Variants in MARCHF2 observed in about 807,000 individuals in gnomAD.
MARCHF2 encodes the protein membrane associated ring-CH-type finger 2.
In MARCHF2, 22 loss-of-function variants were observed where a neutral mutation model predicts 24.0. The ratio of observed to expected loss-of-function variants is 0.92; its 90% CI spans 0.66 to 1.31. The LOEUF is 1.31. MARCHF2 is among the 50% of genes most tolerant of loss of function. The pLI is 0.00. For missense variants in MARCHF2, 301 were observed against 335.3 expected (o/e 0.90, Z 0.80); for synonymous variants, 154 against 153.0 (o/e 1.01, Z -0.05).
At chr19:8,426,880 C>T (rs1398395566) in intron 3 of MARCHF2, 76 bp downstream of exon 3, 56 of 1,375,896 alleles carry the variant, frequency 4.1e-5, no homozygotes, top group South Asian at 6.4e-5. Flanking sequence ...GGAGCTGCCC[C>T]GGGCAATCTG....
At chr19:8,421,448 T>C (rs62117527) in intron 1 of MARCHF2, among the ~76,000 whole-genome samples, 107,514 of 143,064 alleles carry the variant, frequency 0.75, 40,861 homozygotes, top group African/African-American at 0.81. Flanking sequence ...AGGATGGTCT[T>C]GATCTCTTGA....
In MARCHF2 at chr19:8,421,804, G is replaced by T. The variant is rs766977571; in HGVS notation, c.-37G>T. 6.4e-7 allele frequency: 1 copy of T among 1,552,844 alleles called. No homozygotes were observed. The highest frequency in any genetic ancestry group is 2.3e-5 in the East Asian group (1 of 44,128). ...CTGTTCCCAGGCTCCTGGAACCATG[G>T]GCCTCAGGCCCTGAGGATACGGGGC... On this transcript the variant is annotated 5_prime_UTR_variant, in exon 2 of 5. Coordinates refer to ENST00000215555, the MANE Select transcript of MARCHF2 (RefSeq NM_001005415.2).
chr19:8,435,525 A>G (rs1312288459), intron 4 of MARCHF2, among the ~76,000 whole-genome samples: 1 of 151,936 alleles, frequency 6.6e-6, no homozygotes, highest in African/African-American at 2.4e-5. Context: ...CATAGTTCAC[A>G]TTAGGATTCA....
At chr19:8,434,745 C>T (rs1967668992) in intron 4 of MARCHF2, among the ~76,000 whole-genome samples, 1 of 152,056 alleles carries the variant, frequency 6.6e-6, no homozygotes, top group South Asian at 2.1e-4. Context: ...CTCACTGTGT[C>T]GCCCAGGCCA....
intron 2 of MARCHF2, among the ~76,000 whole-genome samples, chr19:8,423,082 C>T (rs1967297478): frequency 6.8e-6 from 1 of 146,972 alleles, no homozygotes; most frequent in Non-Finnish European, 1.5e-5. Flanking sequence ...GTTTTGGAGA[C>T]AGAGTCTCAC....
intron 3 of MARCHF2, among the ~76,000 whole-genome samples, chr19:8,428,683 A>AC: frequency 3.2e-5 from 4 of 123,320 alleles, no homozygotes; most frequent in Non-Finnish European, 5.1e-5. Context: ...AAAAAAAAAA[A>AC]CCAAGGCTGG....
At chr19:8,415,736 A>AC (rs1568233647) in intron 1 of MARCHF2, among the ~76,000 whole-genome samples, 2 of 71,332 alleles carry the variant, frequency 2.8e-5, no homozygotes, top group African/African-American at 1.1e-4. Context: ...AAAAAAAAAC[A>AC]AAAAAAACAA....
chr19:8,436,989 ATTT>A (rs34972879), intron 4 of MARCHF2, among the ~76,000 whole-genome samples: 12 of 134,602 alleles, frequency 8.9e-5, no homozygotes, highest in East Asian at 2.2e-4. Flanking sequence ...TGCGCCCAGC[ATTT>A]TTTTTTTTTT....
At chr19:8,417,970 G>A (rs182368143) in intron 1 of MARCHF2, among the ~76,000 whole-genome samples, 34 of 148,764 alleles carry the variant, frequency 2.3e-4, no homozygotes, top group South Asian at 4.3e-4. Context: ...TCTCCATGTG[G>A]TCAGGCTCGT....
At chr19:8,435,309 CACTA>C (rs1466558462) in intron 4 of MARCHF2, among the ~76,000 whole-genome samples, 1 of 151,846 alleles carries the variant, frequency 6.6e-6, no homozygotes, top group Non-Finnish European at 1.5e-5. Context: ...TGAGCCACCA[CACTA>C]GGCCATTTTT....
intron 1 of MARCHF2, among the ~76,000 whole-genome samples, chr19:8,421,283 T>A (rs911604068): frequency 1.3e-5 from 2 of 151,580 alleles, no homozygotes. Flanking sequence ...CCACCAAGCC[T>A]GGCTAATTTT....
chr19:8,436,793 C>G (rs962833536), intron 4 of MARCHF2, among the ~76,000 whole-genome samples: 7 of 148,278 alleles, frequency 4.7e-5, no homozygotes, highest in African/African-American at 1.5e-4. Flanking sequence ...CAGGTTCAAG[C>G]GATTCTCTTG....
intron 3 of MARCHF2, 35 bp downstream of exon 3, chr19:8,426,839 G>T (rs368003230): frequency 6.3e-7 from 1 of 1,592,362 alleles, no homozygotes; most frequent in Non-Finnish European, 8.6e-7. Flanking sequence ...GGTGGGCAGT[G>T]GGGAGAGGGC....
In MARCHF2 at chr19:8,422,466, C is replaced by T. The variant is rs142739284; in HGVS notation, c.176+450C>T. On this transcript the variant is annotated intron_variant, in intron 2 of 4. Coordinates refer to ENST00000215555, the MANE Select transcript of MARCHF2 (RefSeq NM_001005415.2). ...GGAGTGCAGTGGCGCAGTCTCAGCT[C>T]ACTGAAACCTCCGCCTCCCAGGTTC... 6.9e-3 allele frequency among the ~76,000 whole-genome samples: 1,045 copies of T among 152,024 alleles called. 51 individuals carry two copies. The highest frequency in any genetic ancestry group is 0.056 in the East Asian group (287 of 5,148).
intron 1 of MARCHF2, among the ~76,000 whole-genome samples, chr19:8,414,486 C>T (rs1013831732): frequency 6.6e-6 from 1 of 152,150 alleles, no homozygotes; most frequent in Non-Finnish European, 1.5e-5. Context: ...CCAGGCTGGT[C>T]TCGAACTCCT....
chr19:8,414,032 G>A (rs1967016083), intron 1 of MARCHF2, among the ~76,000 whole-genome samples: 1 of 152,150 alleles, frequency 6.6e-6, no homozygotes, highest in Non-Finnish European at 1.5e-5. Flanking sequence ...ATAAGGAGTA[G>A]AGCTGGGATT....
At chr19:8,438,364 G>A (rs1431417947) in intron 4 of MARCHF2, 24 bp from the exon 5 acceptor site, 5 of 1,611,628 alleles carry the variant, frequency 3.1e-6, no homozygotes, top group Non-Finnish European at 4.2e-6. Flanking sequence ...GGAGGCCTCC[G>A]CTCACTGCAG....
intron 1 of MARCHF2, among the ~76,000 whole-genome samples, chr19:8,415,244 A>G (rs1967045731): frequency 1.3e-5 from 2 of 151,840 alleles, no homozygotes; most frequent in South Asian, 4.2e-4. Context: ...AAAAAAATAC[A>G]AAAATTAGCT....
intron 3 of MARCHF2, among the ~76,000 whole-genome samples, chr19:8,427,551 G>C (rs1197562856): frequency 6.6e-6 from 1 of 151,930 alleles, no homozygotes; most frequent in Non-Finnish European, 1.5e-5. Context: ...GAAGCAACTG[G>C]TTTCTGGGAG....
Sources: allele counts gnomAD v4.1 joint callset (sites outside exome capture counted in the v4.1 genomes callset), GRCh38; gene constraint gnomAD v4.1.1; transcripts MANE v1.5; gene names NCBI Gene and HGNC (gene_info 2026-07-23, HGNC 2026-07-21).